The following USH2A variants were observed in gnomAD, a reference collection of about 807,000 sequenced individuals.
The protein encoded by USH2A is usherin.
USH2A carries 443 observed loss-of-function variants against 538.9 expected under a neutral mutation model. That is an observed-to-expected ratio of 0.82 (90% CI 0.76 to 0.89). The LOEUF is 0.89. USH2A is among the 40% of genes least tolerant of loss of function. USH2A has a pLI of 0.00. For synonymous variants in USH2A, 2,413 were observed against 2,273.5 expected (o/e 1.06, Z -1.75); for missense variants, 6,633 against 6,324.8 (o/e 1.05, Z -1.65).
At chr1:216,028,157 G>A (rs1669013048) in intron 32 of USH2A, among the ~76,000 whole-genome samples, 1 of 152,104 alleles carries the variant, frequency 6.6e-6, no homozygotes, top group Non-Finnish European at 1.5e-5. Flanking sequence ...GGAAGCCAAG[G>A]TGGGCGGAAT....
intron 32 of USH2A, among the ~76,000 whole-genome samples, chr1:216,026,016 A>G (rs995168894): frequency 3.3e-5 from 5 of 152,138 alleles, no homozygotes; most frequent in Non-Finnish European, 5.9e-5. Context: ...TGTCATTGCA[A>G]AATAGCCTTT....
At chr1:216,096,664 C>T (rs372566807) in intron 22 of USH2A, among the ~76,000 whole-genome samples, 27 of 152,038 alleles carry the variant, frequency 1.8e-4, no homozygotes, top group African/African-American at 5.8e-4. Context: ...TAGTCTGCAA[C>T]GCCCAGTACC....
At chr1:215,777,514 C>A (rs1466022486) in intron 55 of USH2A, among the ~76,000 whole-genome samples, 2 of 152,228 alleles carry the variant, frequency 1.3e-5, no homozygotes, top group Non-Finnish European at 2.9e-5. Context: ...CTGGTACAGT[C>A]TTAATGTGCC....
At chr1:216,013,851 T>C (rs1011603461) in intron 32 of USH2A, among the ~76,000 whole-genome samples, 7 of 152,208 alleles carry the variant, frequency 4.6e-5, no homozygotes, top group African/African-American at 1.7e-4. Flanking sequence ...TGGTGGTCTC[T>C]TCACACGGAC....
At chr1:215,827,560 A>G (rs1411078495) in intron 47 of USH2A, among the ~76,000 whole-genome samples, 1 of 152,182 alleles carries the variant, frequency 6.6e-6, no homozygotes, top group Non-Finnish European at 1.5e-5. Flanking sequence ...CTCCTTAAAC[A>G]GAATGTGATA....
chr1:215,901,204 T>A (rs983786983), intron 38 of USH2A: 3 of 424,172 alleles, frequency 7.1e-6, no homozygotes, highest in African/African-American at 6.1e-5. Flanking sequence ...TGGAGGGAAT[T>A]TAGTGAAGCA....
In USH2A at chr1:216,000,498, G is replaced by A. The variant is rs745584142; in HGVS notation, c.6390C>T (p.Asn2130=). The change falls in exon 33 of 72, where the codon AAC becomes AAT. Residue 2130 remains asparagine (N), a synonymous_variant. Transcript: ENST00000307340. ...LSACTHVGCT[N]SSWVLLYTAQ... ...CTGTGTACAGTAGGACCCAGGAACT[G>A]TTTGTACAGCCCACATGTGTGCATG... is the stretch of plus-strand genomic sequence containing the variant. 68 of 1,613,580 alleles carry A rather than the reference G, an allele frequency of 4.2e-5. No individual in the cohort carries two copies. The highest frequency in any genetic ancestry group is 5.7e-5 in the Non-Finnish European group (67 of 1,179,720).
Position 216,373,996 on chromosome 1 carries a change from C to T in USH2A, c.652-8911G>A, listed in dbSNP as rs147055534. ...GAAACCATCATTCTCAGCAAACTAT[C>T]GCAAGGACAAAAAACCAAACACTGC... On this transcript the variant is annotated intron_variant, in intron 3 of 71. Coordinates refer to ENST00000307340, the MANE Select transcript of USH2A (RefSeq NM_206933.4). 1.0e-3 allele frequency among the ~76,000 whole-genome samples: 155 copies of T among 151,134 alleles called. 1 individual carries two copies. The highest frequency in any genetic ancestry group is 7.9e-3 in the East Asian group (40 of 5,094).
chr1:216,030,173 G>A (rs1441544755), intron 32 of USH2A, among the ~76,000 whole-genome samples: 1 of 138,268 alleles, frequency 7.2e-6, no homozygotes. Flanking sequence ...ATACATAACA[G>A]ATATATAATA....
intron 41 of USH2A, among the ~76,000 whole-genome samples, chr1:215,886,026 G>T (rs1230603043): frequency 6.6e-6 from 1 of 152,112 alleles, no homozygotes; most frequent in Non-Finnish European, 1.5e-5. Context: ...GATCTCTTCT[G>T]TGTCCCTACT....
At chr1:216,211,134 A>G (rs1168280581) in intron 15 of USH2A, among the ~76,000 whole-genome samples, 1 of 152,064 alleles carries the variant, frequency 6.6e-6, no homozygotes, top group Non-Finnish European at 1.5e-5. Flanking sequence ...TGTCCTATGC[A>G]TTGCTTCATC....
rs1288864277 is a variant in USH2A, at chr1:216,070,256, C to T, written c.5894G>A (p.Ser1965Asn). 6.2e-7 allele frequency: 1 copy of T among 1,613,932 alleles called. No individual in the cohort carries two copies. The highest frequency in any genetic ancestry group is 1.3e-5 in the African/African-American group (1 of 75,010). Reference protein sequence around the residue: ...QSVPTPSRVRSLNGYSIEVTW... With the variant: ...QSVPTPSRVRNLNGYSIEVTW... ...CACCTCAATGCTGTATCCATTTAAG[C>T]TGCGGACTCTTGAGGGAGTTGGCAC... The change falls in exon 30 of 72, where the codon AGC becomes AAC. Residue 1965 changes from serine to asparagine, a missense_variant. Ser to Asn is a conservative substitution (Grantham distance 46). Coordinates refer to ENST00000307340, the MANE Select transcript of USH2A (RefSeq NM_206933.4).
chr1:215,649,956 G>T (rs959658189), intron 65 of USH2A, among the ~76,000 whole-genome samples: 3 of 152,152 alleles, frequency 2.0e-5, no homozygotes, highest in African/African-American at 7.2e-5. Flanking sequence ...CCGGGAAGTG[G>T]CTTGGCTAAC....
At chr1:215,705,883 C>T (rs755073189) in intron 61 of USH2A, among the ~76,000 whole-genome samples, 1 of 152,224 alleles carries the variant, frequency 6.6e-6, no homozygotes, top group Admixed American at 6.5e-5. Flanking sequence ...CATCTGACTA[C>T]TATATTCAGT....
intron 38 of USH2A, chr1:215,901,236 T>C (rs2102470552): frequency 2.7e-6 from 1 of 372,420 alleles, no homozygotes; most frequent in East Asian, 6.8e-5. Context: ...ACCTTTTTCA[T>C]TTAACTCTTT....
chr1:215,802,138 C>G (rs1261808251), intron 49 of USH2A, among the ~76,000 whole-genome samples: 1 of 151,498 alleles, frequency 6.6e-6, no homozygotes, highest in South Asian at 2.1e-4. Flanking sequence ...GATCAAAGAT[C>G]TAGATGTAAA....
At chr1:215,731,258 G>C (rs893531659) in intron 60 of USH2A, among the ~76,000 whole-genome samples, 2 of 152,176 alleles carry the variant, frequency 1.3e-5, no homozygotes, top group Admixed American at 1.3e-4. Context: ...GGTGCAGCCT[G>C]GTTAAGTATT....
intron 4 of USH2A, among the ~76,000 whole-genome samples, chr1:216,340,905 G>A (rs192203162): frequency 1.3e-3 from 201 of 152,094 alleles, no homozygotes; most frequent in African/African-American, 4.6e-3. Context: ...ATGGGCAAAA[G>A]CTGGAAGCAT....
chr1:215,659,305 G>T (rs1410179811), intron 64 of USH2A, among the ~76,000 whole-genome samples: 1 of 152,198 alleles, frequency 6.6e-6, no homozygotes, highest in African/African-American at 2.4e-5. Flanking sequence ...AAAAGCATGT[G>T]CAAAGGCCTT....
Sources: gnomAD v4.1 joint callset for allele counts (sites outside exome capture counted in the v4.1 genomes callset) on GRCh38, gnomAD v4.1.1 for gene constraint, MANE v1.5 for transcripts, NCBI Gene and HGNC (gene_info 2026-07-23, HGNC 2026-07-21) for gene names.